Variants in ZNF343 observed in about 807,000 individuals in gnomAD.
The protein encoded by ZNF343 is zinc finger protein 343.
A neutral mutation model predicts 13.8 loss-of-function variants in ZNF343; 11 were observed. That is an observed-to-expected ratio of 0.80 (90% confidence interval 0.50 to 1.32). ZNF343 has a LOEUF of 1.32. Ranked by LOEUF, ZNF343 falls within the 40% of genes most tolerant of loss-of-function variation. The probability of loss-of-function intolerance (pLI) is 0.00; values close to 1 mark genes in which losing one functional copy is unlikely to be tolerated. For missense variants in ZNF343, 658 were observed against 714.2 expected (o/e 0.92, Z 0.90); for synonymous variants, 248 against 260.0 (o/e 0.95, Z 0.44).
intron 2 of ZNF343, chr20:2,495,539 G>C (rs997395240): frequency 6.6e-6 from 1 of 152,176 alleles, no homozygotes; most frequent in African/African-American, 2.4e-5. Flanking sequence ...AAAAAGTCAT[G>C]GTACAAAGCT....
At chr20:2,502,292 C>G (rs553488474) in intron 1 of ZNF343, among the ~76,000 whole-genome samples, 1 of 152,234 alleles carries the variant, frequency 6.6e-6, no homozygotes, top group South Asian at 2.1e-4. Context: ...AACAAAGCCT[C>G]CAAGAAATAT....
At chr20:2,494,412 G>T (rs1410458167) in intron 2 of ZNF343, among the ~76,000 whole-genome samples, 2 of 152,140 alleles carry the variant, frequency 1.3e-5, no homozygotes, top group South Asian at 4.1e-4. Flanking sequence ...TAGACCAACT[G>T]GGGCGTGCAG....
upstream of ZNF343, among the ~76,000 whole-genome samples, chr20:2,511,014 G>A (rs192165126): frequency 4.4e-4 from 67 of 152,266 alleles, no homozygotes; most frequent in African/African-American, 1.5e-3. Context: ...TACTATCTGG[G>A]AGGCCTGATG....
At position 2,516,871 on chromosome 20, in the gene ZNF343, G is replaced by A. The variant is rs79874739; in HGVS notation, c.-347+7584C>T. Reference sequence around the variant, plus strand: ...AAAGTGTTAGGGTAAAGGTGGGCGTGAGGTTCAGGGTCAAGGAGAAGATGA... The same window carrying A: ...AAAGTGTTAGGGTAAAGGTGGGCGTAAGGTTCAGGGTCAAGGAGAAGATGA... On this transcript the variant is annotated intron_variant, in intron 1 of 6. Coordinates refer to the ZNF343 transcript ENST00000358413. Among the ~76,000 whole-genome samples, 69 of 152,244 alleles carry A rather than the reference G, an allele frequency of 4.5e-4. 1 individual carries two copies. The highest frequency in any genetic ancestry group is 1.5e-3 in the African/African-American group (62 of 41,552).
chr20:2,482,148 T>C lies in ZNF343; in HGVS notation c.*1013A>G, dbSNP rs2085174415. ...GTTTCACATTTTCCCTCCCCACCCA[T>C]GTAAAGCTTGTCCCAAAAAAGCTGT... On this transcript the variant is annotated 3_prime_UTR_variant, in exon 6 of 6. Coordinates refer to ENST00000278772, the MANE Select transcript of ZNF343 (RefSeq NM_024325.6). 1 of 152,192 alleles carries C rather than the reference T, an allele frequency of 6.6e-6. No individual in the cohort carries two copies. The highest frequency in any genetic ancestry group is 2.4e-5 in the African/African-American group (1 of 41,462). The allele number at this position is 152,192 out of a possible 1,614,324, so 9.4% of individuals were successfully genotyped here. A position where few individuals can be genotyped will look rare whatever the true frequency, so the allele number is the denominator to read the frequency against.
Position 2,493,838 on chromosome 20 carries a change from G to A in ZNF343, c.58C>T (p.Pro20Ser). 2 of 1,613,962 alleles carry A rather than the reference G, an allele frequency of 1.2e-6. No individual in the cohort carries two copies. The highest frequency in any genetic ancestry group is 8.5e-7 in the Non-Finnish European group (1 of 1,179,972). ...GTCTCTACATTTTCCCCATTCTTTG[G>A]AAGCAAAATCTCTTCCCAGTATTGA... ...GDQYWEEILLPKNGENVETMK... is the reference protein window; with the variant it reads ...GDQYWEEILLSKNGENVETMK... Residue 20 changes from proline to serine, a missense_variant, in exon 3 of 6, where the codon CCA becomes TCA. Pro to Ser is a moderately conservative substitution (Grantham distance 74). Transcript: ENST00000278772.
At chr20:2,512,413 A>T (rs553120980), upstream of ZNF343, among the ~76,000 whole-genome samples, 24 of 152,350 alleles carry the variant, frequency 1.6e-4, no homozygotes, top group South Asian at 4.6e-3. Flanking sequence ...TTAATTTTAA[A>T]ACTTAATACA....
rs781610481 is a variant in ZNF343, at chr20:2,484,193, A to G, written c.768T>C (p.Phe256=). The change falls in exon 6 of 6, where the codon TTT becomes TTC. Residue 256 remains phenylalanine (F), a synonymous_variant. Coordinates refer to ENST00000278772, the MANE Select transcript of ZNF343 (RefSeq NM_024325.6). The part of the protein sequence containing the change: ...YEPDHNLESN[F]ITNPRTLLGK... The stretch of plus-strand genomic sequence containing the variant: ...CTAAGAGGGTCCTCGGGTTTGTAAT[A>G]AAGTTTGATTCCAGGTTATGGTCCG... The G allele has an allele frequency of 1.9e-6, 3 of 1,614,242 alleles. No individual in the cohort carries two copies. The South Asian group carries it at 3.3e-5, about 18-fold the overall frequency.
intron 2 of ZNF343, among the ~76,000 whole-genome samples, chr20:2,498,542 G>A (rs1463596817): frequency 6.6e-6 from 1 of 152,148 alleles, no homozygotes; most frequent in Non-Finnish European, 1.5e-5. Flanking sequence ...AGCTACAAGG[G>A]CACTACAACA....
chr20:2,500,208 A>G (rs1255379995), intron 2 of ZNF343, among the ~76,000 whole-genome samples: 1 of 152,224 alleles, frequency 6.6e-6, no homozygotes, highest in Non-Finnish European at 1.5e-5. Flanking sequence ...GTCATATTAC[A>G]CAAGTAAATT....
chr20:2,502,824 G>T (rs891376584), intron 1 of ZNF343, among the ~76,000 whole-genome samples: 37 of 152,204 alleles, frequency 2.4e-4, no homozygotes, highest in African/African-American at 8.4e-4. Context: ...ACTAAACATG[G>T]AAAGGAACAA....
At chr20:2,489,799 A>T (rs1423948077) in intron 5 of ZNF343, among the ~76,000 whole-genome samples, 1 of 152,214 alleles carries the variant, frequency 6.6e-6, no homozygotes. Context: ...GAATTGGCCC[A>T]TTATTTCTAA....
chr20:2,498,737 C>A (rs2085504279), intron 2 of ZNF343, among the ~76,000 whole-genome samples: 1 of 152,202 alleles, frequency 6.6e-6, no homozygotes. Flanking sequence ...CTCACAACTC[C>A]CTGAGATGGG....
intron 1 of ZNF343, among the ~76,000 whole-genome samples, chr20:2,521,213 G>GACTT (rs2085780803): frequency 6.6e-6 from 1 of 152,138 alleles, no homozygotes; most frequent in Non-Finnish European, 1.5e-5. Context: ...AAGAAGAGTG[G>GACTT]ACTTACCCCC....
intron 1 of ZNF343, among the ~76,000 whole-genome samples, chr20:2,516,697 G>A (rs1445882620): frequency 6.6e-6 from 1 of 152,048 alleles, no homozygotes; most frequent in Admixed American, 6.6e-5. Flanking sequence ...AGGTCTAGCT[G>A]AGGATGAAAG....
chr20:2,511,438 G>A (rs1208434424), upstream of ZNF343, among the ~76,000 whole-genome samples: 1 of 152,138 alleles, frequency 6.6e-6, no homozygotes, highest in Non-Finnish European at 1.5e-5. Flanking sequence ...TTTATTCAAA[G>A]AAACCATAAA....
chr20:2,495,346 A>G (rs1254733610), intron 2 of ZNF343: 1 of 152,208 alleles, frequency 6.6e-6, no homozygotes, highest in Admixed American at 6.5e-5. Flanking sequence ...ATCGTTCCCA[A>G]TTATTTGTTG....
rs146321483 is a variant in ZNF343 at position 2,503,761 on chromosome 20, C to T, written c.-236-3019G>A. ...AAATAAAGATGTTCTTTGAAACCAA[C>T]GAGAACAAAGACACAACATAACAGA... is the stretch of plus-strand genomic sequence containing the variant. On this transcript the variant is annotated intron_variant, in intron 1 of 5. Transcript: ENST00000278772. 8.4e-3 allele frequency among the ~76,000 whole-genome samples: 1,263 copies of T among 151,226 alleles called. 6 individuals carry two copies. The highest frequency in any genetic ancestry group is 0.015 in the African/African-American group (607 of 41,198).
chr20:2,494,135 A>C, intron 2 of ZNF343, 91 bp from the exon 3 acceptor site: 2 of 444,622 alleles, frequency 4.5e-6, no homozygotes, highest in South Asian at 3.2e-5. Context: ...GTCCTCTCAC[A>C]CCCTCCTCAT....
Sources: gnomAD v4.1 joint callset for allele counts (sites outside exome capture counted in the v4.1 genomes callset) on GRCh38, gnomAD v4.1.1 for gene constraint, MANE v1.5 for transcripts, NCBI Gene and HGNC (gene_info 2026-07-23, HGNC 2026-07-21) for gene names.